The following SAMMSON variants were observed in gnomAD, a reference collection of about 807,000 sequenced individuals.
SAMMSON encodes long intergenic non-protein coding RNA 1212.
At position 70,200,870 on chromosome 3, in the gene SAMMSON, T is replaced by A. The variant is rs78559234; in HGVS notation, n.508-48237T>A. On this transcript the variant is annotated intron_variant and non_coding_transcript_variant, in intron 4 of 9. Coordinates refer to ENST00000642114, the Ensembl canonical transcript of SAMMSON. Reference sequence around the variant, plus strand: ...CGTAGAGCAGAGATTCAAATCTAAGTCTTTCTGAATCCAAAGCCTGTGGTC... The same window carrying A: ...CGTAGAGCAGAGATTCAAATCTAAGACTTTCTGAATCCAAAGCCTGTGGTC... Among the ~76,000 whole-genome samples, 884 of 152,080 alleles carry A rather than the reference T, an allele frequency of 5.8e-3. 5 individuals are homozygous for A. The highest frequency in any genetic ancestry group is 8.7e-3 in the Non-Finnish European group (593 of 67,996).
At chr3:70,171,535 C>T (rs1700954007) in intron 4 of SAMMSON, among the ~76,000 whole-genome samples, 1 of 151,710 alleles carries the variant, frequency 6.6e-6, no homozygotes, top group Admixed American at 6.6e-5. Context: ...AATAGAAAAT[C>T]TGAGTATAGT....
At chr3:70,015,947 T>G (rs986576910) in intron 3 of SAMMSON, among the ~76,000 whole-genome samples, 6 of 152,350 alleles carry the variant, frequency 3.9e-5, no homozygotes, top group African/African-American at 1.4e-4. Flanking sequence ...CCACATTTTC[T>G]TAATCCAGTC....
chr3:70,129,836 C>T (rs1333338905), intron 4 of SAMMSON, among the ~76,000 whole-genome samples: 1 of 152,088 alleles, frequency 6.6e-6, no homozygotes, highest in Non-Finnish European at 1.5e-5. Context: ...ACTTTGAAAA[C>T]AGTTAGACTT....
chr3:70,331,239 A>G (rs1702619327), intron 7 of SAMMSON, among the ~76,000 whole-genome samples: 1 of 152,128 alleles, frequency 6.6e-6, no homozygotes, highest in Admixed American at 6.5e-5. Context: ...TCTCCAATGC[A>G]TGATTTCCTG....
intron 7 of SAMMSON, among the ~76,000 whole-genome samples, chr3:70,328,122 T>C (rs1181952926): frequency 1.3e-5 from 2 of 152,194 alleles, no homozygotes; most frequent in Non-Finnish European, 2.9e-5. Context: ...CTTGTGAGAC[T>C]TATTCACTAT....
At chr3:70,242,033 T>C (rs542366437) in intron 4 of SAMMSON, among the ~76,000 whole-genome samples, 1 of 152,326 alleles carries the variant, frequency 6.6e-6, no homozygotes, top group South Asian at 2.1e-4. Context: ...CTGACTACAC[T>C]ATCTTTGATG....
intron 4 of SAMMSON, among the ~76,000 whole-genome samples, chr3:70,232,929 C>T (rs891595157): frequency 6.6e-6 from 1 of 151,998 alleles, no homozygotes; most frequent in Non-Finnish European, 1.5e-5. Flanking sequence ...GGGTTCACAC[C>T]GGTAATCCCA....
intron 7 of SAMMSON, among the ~76,000 whole-genome samples, chr3:70,335,397 C>T (rs1702653487): frequency 6.6e-6 from 1 of 151,772 alleles, no homozygotes; most frequent in African/African-American, 2.4e-5. Context: ...GGTTTTGTTT[C>T]TTTATAATAT....
chr3:70,037,296 A>G (rs2067088846), intron 3 of SAMMSON, among the ~76,000 whole-genome samples: 1 of 152,078 alleles, frequency 6.6e-6, no homozygotes, highest in Non-Finnish European at 1.5e-5. Context: ...AGTGGTAGTC[A>G]TATGATCGAA....
intron 6 of SAMMSON, among the ~76,000 whole-genome samples, chr3:70,264,430 GA>G (rs1327641082): frequency 6.6e-6 from 1 of 152,290 alleles, no homozygotes; most frequent in African/African-American, 2.4e-5. Flanking sequence ...TCTAAGAACT[GA>G]ATATCGGCTT....
At chr3:70,332,312 C>T (rs1019739094) in intron 7 of SAMMSON, among the ~76,000 whole-genome samples, 2 of 152,110 alleles carry the variant, frequency 1.3e-5, no homozygotes, top group African/African-American at 2.4e-5. Context: ...GATTAGTTCA[C>T]GATGTTGAAA....
At chr3:70,327,549 A>G (rs1702588593) in intron 7 of SAMMSON, among the ~76,000 whole-genome samples, 1 of 152,192 alleles carries the variant, frequency 6.6e-6, no homozygotes, top group African/African-American at 2.4e-5. Context: ...GAGAGCAAAC[A>G]ATCAAGTCTT....
chr3:70,263,885 T>A (rs6419772), intron 6 of SAMMSON, among the ~76,000 whole-genome samples: 151,262 of 152,232 alleles, frequency 0.99, 75,159 homozygotes, highest in Non-Finnish European at 1. Context: ...TCTCTCGGGG[T>A]TCACAGTCCT....
intron 4 of SAMMSON, among the ~76,000 whole-genome samples, chr3:70,174,603 C>G (rs536347728): frequency 6.6e-6 from 1 of 152,088 alleles, no homozygotes; most frequent in African/African-American, 2.4e-5. Context: ...TTCATGGTGT[C>G]TAAGAAGAAT....
At chr3:70,327,438 A>C (rs947726168) in intron 7 of SAMMSON, among the ~76,000 whole-genome samples, 1 of 152,184 alleles carries the variant, frequency 6.6e-6, no homozygotes, top group Non-Finnish European at 1.5e-5. Flanking sequence ...ACCTAGACAG[A>C]GTCTGGTAGT....
intron 7 of SAMMSON, among the ~76,000 whole-genome samples, chr3:70,335,001 T>C (rs1239658909): frequency 1.3e-5 from 2 of 151,958 alleles, no homozygotes; most frequent in African/African-American, 4.8e-5. Flanking sequence ...AAAAAGTTGA[T>C]TTGCTTCCAG....
intron 3 of SAMMSON, among the ~76,000 whole-genome samples, chr3:70,068,041 G>T (rs2067216501): frequency 6.6e-6 from 1 of 151,980 alleles, no homozygotes; most frequent in African/African-American, 2.4e-5. Flanking sequence ...AGGAGGCCTT[G>T]TGATTTATAT....
At chr3:70,246,799 G>T (rs1701711611) in intron 4 of SAMMSON, among the ~76,000 whole-genome samples, 1 of 151,698 alleles carries the variant, frequency 6.6e-6, no homozygotes, top group Admixed American at 6.6e-5. Context: ...TTTTTAGAGG[G>T]AAAAAAACCC....
At chr3:70,359,897 A>G (rs1702858964) in intron 9 of SAMMSON, among the ~76,000 whole-genome samples, 1 of 152,122 alleles carries the variant, frequency 6.6e-6, no homozygotes, top group Non-Finnish European at 1.5e-5. Flanking sequence ...AAGAATGCAG[A>G]GCAGTTGTCA....
Sources: allele counts gnomAD v4.1 joint callset (sites outside exome capture counted in the v4.1 genomes callset), GRCh38; gene constraint gnomAD v4.1.1; transcripts MANE v1.5; gene names NCBI Gene and HGNC (gene_info 2026-07-23, HGNC 2026-07-21).